The following GSTA3 variants were observed in gnomAD, a reference collection of about 807,000 sequenced individuals.
GSTA3 encodes the protein glutathione S-transferase A3.
GSTA3 carries 16 observed loss-of-function variants against 23.1 expected under a neutral mutation model. That is an observed-to-expected ratio of 0.69 (90% confidence interval 0.47 to 1.05). The LOEUF (loss-of-function observed/expected upper bound fraction) is 1.05. Ranked by LOEUF, GSTA3 falls within the 50% of genes least tolerant of loss-of-function variation. The probability of loss-of-function intolerance (pLI) is 0.00; values close to 1 mark genes in which losing one functional copy is unlikely to be tolerated. For synonymous variants in GSTA3, 122 were observed against 91.0 expected (o/e 1.34, Z -1.94); for missense variants, 319 against 263.6 (o/e 1.21, Z -1.46).
At chr6:52,896,968 T>G (rs1217082958) in intron 6 of GSTA3, 40 bp from the exon 7 acceptor site, 2 of 1,611,612 alleles carry the variant, frequency 1.2e-6, no homozygotes, top group Non-Finnish European at 1.7e-6. Context: ...GAAGCCAAGG[T>G]CTGCCACCAC....
chr6:52,900,107 G>A, intron 4 of GSTA3, 32 bp from the exon 5 acceptor site: 1 of 1,577,550 alleles, frequency 6.3e-7, no homozygotes. Flanking sequence ...AGCATCAAAT[G>A]CCTCTTGCCT....
intron 1 of GSTA3, among the ~76,000 whole-genome samples, chr6:52,906,234 G>A (rs1412684652): frequency 6.6e-6 from 1 of 152,108 alleles, no homozygotes; most frequent in Non-Finnish European, 1.5e-5. Flanking sequence ...GAGCTAGAAG[G>A]GATCTAGCTA....
chr6:52,899,818 T>C (rs1017395675), intron 5 of GSTA3, 116 bp downstream of exon 5: 7 of 924,680 alleles, frequency 7.6e-6, no homozygotes, highest in African/African-American at 3.4e-5. Context: ...GAGAGCTGAA[T>C]TGGTGTTCAG....
At position 52,903,747 on chromosome 6, in the gene GSTA3, A is replaced by G. The variant is rs1471232276; in HGVS notation, c.88-20T>C. 2.6e-6 allele frequency: 4 copies of G among 1,516,806 alleles called. No individual in the cohort carries two copies. The African/African-American group carries it at 4.1e-5, about 16-fold the overall frequency. 94.0% of individuals were successfully genotyped at this position (1,516,806 alleles called of 1,614,324 possible). ...TTCAAACTGGAAGCAGAAACAGTAA[A>G]TGGGTTCTTGTTAGTTCGTTCCATA... On this transcript the variant is annotated intron_variant, in intron 2 of 6. Coordinates refer to ENST00000211122, the MANE Select transcript of GSTA3 (RefSeq NM_000847.5).
intron 1 of GSTA3, 62 bp downstream of exon 1, chr6:52,909,579 T>A (rs1189510653): frequency 3.9e-5 from 6 of 152,194 alleles, no homozygotes; most frequent in Non-Finnish European, 8.8e-5. Context: ...ACATTTAAAT[T>A]TGTTTTTCTT....
intron 1 of GSTA3, among the ~76,000 whole-genome samples, chr6:52,908,001 AAAG>A (rs200467982): frequency 0.012 from 1,881 of 151,908 alleles, 46 homozygotes; most frequent in African/African-American, 0.043. Flanking sequence ...ATTAAAAAAA[AAAG>A]AAGTTACCAT....
Position 52,896,746 on chromosome 6 carries a change from C to A in GSTA3, c.*60G>T. ...CAATCAACACTTAAGTAAAGCACTT[C>A]ATTGTTGCAAAACTTTAGAATATTG... On this transcript the variant is annotated 3_prime_UTR_variant, in exon 7 of 7. Coordinates refer to ENST00000211122, the MANE Select transcript of GSTA3 (RefSeq NM_000847.5). The A allele has an allele frequency of 6.3e-7, 1 of 1,598,026 alleles. No individual in the cohort carries two copies. Among genetic ancestry groups the A allele is most frequent in the Non-Finnish European group, 8.6e-7 (1 of 1,168,530 alleles).
intron 1 of GSTA3, among the ~76,000 whole-genome samples, chr6:52,908,390 C>T (rs116442971): frequency 3.3e-5 from 5 of 152,054 alleles, no homozygotes; most frequent in Non-Finnish European, 5.9e-5. Flanking sequence ...TGTCCCACAC[C>T]TGTAGTCCCA....
chr6:52,900,768 G>A (rs1378161539), intron 4 of GSTA3, among the ~76,000 whole-genome samples: 8 of 152,296 alleles, frequency 5.3e-5, no homozygotes, highest in East Asian at 1.9e-4. Context: ...CATAAACTTC[G>A]TGTGAGTCAA....
rs745767891 is a variant in GSTA3, at chr6:52,896,936, T to TCACAAAG, written c.547-15_547-9dup. 3.8e-5 allele frequency: 62 copies of TCACAAAG among 1,613,642 alleles called. No homozygotes were observed. The Middle Eastern group carries it at 2.2e-3, about 56-fold the overall frequency. On this transcript the variant is annotated splice_polypyrimidine_tract_variant and intron_variant, in intron 6 of 6. Transcript: ENST00000211122. ...GATTCTGGTTTTCAGGGCCTGTAAT[T>TCACAAAG]CACAAAGCACAGCCTCAGAGTGAAG...
intron 2 of GSTA3, among the ~76,000 whole-genome samples, chr6:52,905,458 TTA>T (rs1334998078): frequency 6.6e-6 from 1 of 152,168 alleles, no homozygotes; most frequent in African/African-American, 2.4e-5. Context: ...AAGTTATATT[TTA>T]TAGTTTGTTT....
At position 52,900,018 on chromosome 6, in the gene GSTA3, G is replaced by A. The variant is rs1289170849; in HGVS notation, c.330C>T (p.Pro110=). 6.2e-7 allele frequency: 1 copy of A among 1,613,116 alleles called. No homozygotes were observed. Among genetic ancestry groups the A allele is most frequent in the Non-Finnish European group, 8.5e-7 (1 of 1,179,294 alleles). The change falls in exon 5 of 7, where the codon CCC becomes CCT. Residue 110 remains proline, a synonymous_variant. Transcript: ENST00000211122. The part of the protein sequence containing the change: ...ADLNEMILLL[P]LCRPEEKDAK... ...CATCTTTTTCCTCAGGTCGACATAA[G>A]GGCAGAAGAAGGATCATTTCATTCA... is the stretch of plus-strand genomic sequence containing the variant.
At chr6:52,905,890 T>C (rs1429709880) in intron 1 of GSTA3, 35 bp from the exon 2 acceptor site, 3 of 1,079,766 alleles carry the variant, frequency 2.8e-6, no homozygotes, top group Admixed American at 1.9e-5. Flanking sequence ...AATGGATGAA[T>C]GAATGAGTCT....
chr6:52,905,316 A>T (rs1439740006), intron 2 of GSTA3, among the ~76,000 whole-genome samples: 1 of 152,166 alleles, frequency 6.6e-6, no homozygotes, highest in African/African-American at 2.4e-5. Context: ...TAAATACTTC[A>T]GTGTGTATCT....
chr6:52,909,271 G>GAA (rs1765991013), intron 1 of GSTA3, among the ~76,000 whole-genome samples: 6 of 152,190 alleles, frequency 3.9e-5, no homozygotes, highest in African/African-American at 1.4e-4. Flanking sequence ...ATAATTGTGT[G>GAA]TTGACTCCTG....
chr6:52,902,911 T>C (rs574997475), intron 3 of GSTA3, among the ~76,000 whole-genome samples: 4 of 152,292 alleles, frequency 2.6e-5, no homozygotes, highest in Middle Eastern at 3.4e-3. Context: ...TCTGTGTTCT[T>C]CCAAGCCTAC....
In GSTA3 at chr6:52,896,932, T is replaced by C; in HGVS notation, c.547-4A>G. On this transcript the variant is annotated splice_region_variant and splice_polypyrimidine_tract_variant and intron_variant, in intron 6 of 6. Coordinates refer to ENST00000211122, the MANE Select transcript of GSTA3 (RefSeq NM_000847.5). The stretch of plus-strand genomic sequence containing the variant: ...TGCTGATTCTGGTTTTCAGGGCCTG[T>C]AATTCACAAAGCACAGCCTCAGAGT... The C allele has an allele frequency of 6.2e-7, 1 of 1,613,820 alleles. No individual in the cohort carries two copies.
At chr6:52,907,816 G>A (rs550988677) in intron 1 of GSTA3, among the ~76,000 whole-genome samples, 4,724 of 114,094 alleles carry the variant, frequency 0.041, 264 homozygotes, top group African/African-American at 0.14. Context: ...ACACTCTGGG[G>A]ACTGTTGTGG....
rs751859185 is a variant in GSTA3, at chr6:52,903,726, A to G, written c.89T>C (p.Phe30Ser). ...RWLLAAAGVE[F>S]EEKFIGSAED... ...TGCAGATCCTATAAATTTCTCTTCA[A>G]ACTGGAAGCAGAAACAGTAAATGGG... Residue 30 changes from phenylalanine to serine, a missense_variant and splice_region_variant, in exon 3 of 7, where the codon TTT becomes TCT. Physicochemically the swap from Phe to Ser is radical, Grantham distance 155. Coordinates refer to ENST00000211122, the MANE Select transcript of GSTA3 (RefSeq NM_000847.5). 2.5e-6 allele frequency: 4 copies of G among 1,581,778 alleles called. No individual in the cohort carries two copies. The highest frequency in any genetic ancestry group is 2.6e-6 in the Non-Finnish European group (3 of 1,151,208).
Sources: allele counts gnomAD v4.1 joint callset (sites outside exome capture counted in the v4.1 genomes callset), GRCh38; gene constraint gnomAD v4.1.1; transcripts MANE v1.5; gene names NCBI Gene and HGNC (gene_info 2026-07-23, HGNC 2026-07-21).